The following DCPH1 variants were observed in gnomAD, a reference collection of about 807,000 sequenced individuals.
The protein encoded by DCPH1 is damage control phosphatase 1, also known as damage-control phosphatase 1.
the DCPH1 span, chr6:151,454,560 T>C: frequency 6.8e-7 from 1 of 1,480,530 alleles, no homozygotes; most frequent in Middle Eastern, 1.7e-4. Context: ...CATTTGCATA[T>C]CTTACAATTA....
the DCPH1 span, chr6:151,458,227 A>G: frequency 7.0e-7 from 1 of 1,423,494 alleles, no homozygotes; most frequent in Non-Finnish European, 9.4e-7. Flanking sequence ...TGTAGTTTTG[A>G]ACATTTTTCT....
chr6:151,454,417 A>T, the DCPH1 span: 4 of 603,662 alleles, frequency 6.6e-6, no homozygotes. Context: ...TAGTAATCAT[A>T]CAATACTTGT....
chr6:151,459,138 A>G, the DCPH1 span, among the ~76,000 whole-genome samples: 1 of 152,226 alleles, frequency 6.6e-6, no homozygotes, highest in Non-Finnish European at 1.5e-5. Context: ...CTCTGTCTCA[A>G]TAAAATAGAT....
chr6:151,464,444 C>T, the DCPH1 span: 2 of 1,591,630 alleles, frequency 1.3e-6, no homozygotes, highest in South Asian at 1.2e-5. Flanking sequence ...TGTTTTTCTC[C>T]TACTTTAGTC....
At chr6:151,458,671 G>C in the DCPH1 span, 9 of 1,021,052 alleles carry the variant, frequency 8.8e-6, no homozygotes, top group South Asian at 1.7e-5. Flanking sequence ...GTGGAAGCTT[G>C]AATTTGGTTG....
the DCPH1 span, chr6:151,464,723 AT>A: frequency 4.2e-6 from 3 of 707,070 alleles, no homozygotes; most frequent in South Asian, 2.7e-5. Flanking sequence ...ATAATTGATG[AT>A]TTTTTATCTA....
At chr6:151,455,820 A>C in the DCPH1 span, among the ~76,000 whole-genome samples, 6 of 152,232 alleles carry the variant, frequency 3.9e-5, no homozygotes, top group Non-Finnish European at 7.3e-5. Flanking sequence ...ATTTCAGACT[A>C]TCACATGGGG....
At chr6:151,458,769 A>G in the DCPH1 span, among the ~76,000 whole-genome samples, 2 of 152,328 alleles carry the variant, frequency 1.3e-5, no homozygotes, top group South Asian at 4.1e-4. Flanking sequence ...GGACATTTCT[A>G]TAGCTGTTAC....
chr6:151,458,150 T>A, the DCPH1 span, among the ~76,000 whole-genome samples: 1 of 152,228 alleles, frequency 6.6e-6, no homozygotes, highest in Non-Finnish European at 1.5e-5. Flanking sequence ...TATGTTCATA[T>A]GAGATCTGTG....
At chr6:151,468,942 T>G in the DCPH1 span, 1 of 1,614,196 alleles carries the variant, frequency 6.2e-7, no homozygotes, top group Non-Finnish European at 8.5e-7. Context: ...TTCCATTTCA[T>G]CAGGCTCTGA....
At chr6:151,457,148 A>G in the DCPH1 span, among the ~76,000 whole-genome samples, 2 of 152,252 alleles carry the variant, frequency 1.3e-5, no homozygotes, top group East Asian at 1.9e-4. Context: ...CGAAGGAGCC[A>G]TGCCACACAG....
chr6:151,462,555 T>C, the DCPH1 span, among the ~76,000 whole-genome samples: 2 of 152,386 alleles, frequency 1.3e-5, no homozygotes, highest in East Asian at 3.9e-4. Flanking sequence ...TTTATGAGCA[T>C]ATTACAATCT....
At chr6:151,468,644 G>A in the DCPH1 span, 1 of 1,613,876 alleles carries the variant, frequency 6.2e-7, no homozygotes, top group Non-Finnish European at 8.5e-7. Context: ...ACAATTCCAT[G>A]GTTTGTTTCT....
the DCPH1 span, among the ~76,000 whole-genome samples, chr6:151,467,700 T>TA: frequency 2.6e-5 from 4 of 151,076 alleles, no homozygotes; most frequent in East Asian, 5.8e-4. Flanking sequence ...TTTTATGGCT[T>TA]AAAAAAAAAT....
At chr6:151,452,847 C>A in the DCPH1 span, 1 of 421,818 alleles carries the variant, frequency 2.4e-6, no homozygotes, top group Non-Finnish European at 4.2e-6. Flanking sequence ...TCCTGGCGGT[C>A]ACTTTTTATT....
chr6:151,453,455 ATTTCT>A, the DCPH1 span, among the ~76,000 whole-genome samples: 1 of 152,222 alleles, frequency 6.6e-6, no homozygotes, highest in Non-Finnish European at 1.5e-5. Flanking sequence ...GGTATTAGTG[ATTTCT>A]TTTATTAATG....
the DCPH1 span, among the ~76,000 whole-genome samples, chr6:151,461,744 GC>G: frequency 6.6e-6 from 1 of 152,178 alleles, no homozygotes; most frequent in African/African-American, 2.4e-5. Context: ...CTGGGGTGGG[GC>G]CTGGGTATCA....
At chr6:151,458,465 A>G in the DCPH1 span, 3 of 1,613,648 alleles carry the variant, frequency 1.9e-6, no homozygotes, top group Non-Finnish European at 2.5e-6. Flanking sequence ...TAGAATATCA[A>G]CAGAGTCTTT....
the DCPH1 span, among the ~76,000 whole-genome samples, chr6:151,465,629 CAG>C: frequency 1.3e-5 from 2 of 152,016 alleles, no homozygotes; most frequent in South Asian, 2.1e-4. Context: ...GGGTTTTGAA[CAG>C]AGAGGTAATG....
Sources: allele counts gnomAD v4.1 joint callset (sites outside exome capture counted in the v4.1 genomes callset), GRCh38; gene constraint gnomAD v4.1.1; transcripts MANE v1.5; gene names NCBI Gene and HGNC (gene_info 2026-07-23, HGNC 2026-07-21).